FHIT: variants seen among roughly 807,000 people sequenced by gnomAD.
The protein encoded by FHIT is fragile histidine triad diadenosine triphosphatase.
In FHIT, 19 loss-of-function variants were observed where a neutral mutation model predicts 17.9. That is an observed-to-expected ratio of 1.06 (90% CI 0.74 to 1.56). The LOEUF (loss-of-function observed/expected upper bound fraction) is 1.56. FHIT is among the 40% of genes most tolerant of loss of function. The pLI is 0.00. For synonymous variants in FHIT, 81 were observed against 69.7 expected, an observed-to-expected ratio of 1.16 and a Z score of -0.81; for missense variants, 248 against 189.2, an observed-to-expected ratio of 1.31 and a Z score of -1.82.
chr3:60,785,095 GC>G (rs1553726518), intron 4 of FHIT, among the ~76,000 whole-genome samples: 1 of 152,206 alleles, frequency 6.6e-6, no homozygotes. Context: ...CTGAACAGAA[GC>G]CAGAGGTGTA....
At chr3:60,620,516 T>C (rs1553678036) in intron 4 of FHIT, among the ~76,000 whole-genome samples, 3 of 151,544 alleles carry the variant, frequency 2.0e-5, no homozygotes, top group Non-Finnish European at 2.9e-5. Flanking sequence ...TTTACAGGCA[T>C]ACTGCGAAGC....
intron 5 of FHIT, among the ~76,000 whole-genome samples, chr3:60,339,503 C>A (rs1221874875): frequency 1.3e-5 from 2 of 152,176 alleles, no homozygotes; most frequent in East Asian, 3.9e-4. Flanking sequence ...GTTCTGTTGA[C>A]AGTTGGCTCT....
chr3:60,347,695 TTTTTGTTTTG>T (rs1213090822), intron 5 of FHIT, among the ~76,000 whole-genome samples: 2 of 148,474 alleles, frequency 1.3e-5, no homozygotes, highest in South Asian at 2.2e-4. Flanking sequence ...GGGGGTTTGT[TTTTTGTTTTG>T]TTTTGTTTTG....
intron 3 of FHIT, among the ~76,000 whole-genome samples, chr3:61,032,589 C>T (rs1253580576): frequency 1.3e-5 from 2 of 152,100 alleles, no homozygotes; most frequent in African/African-American, 4.8e-5. Flanking sequence ...AGAGGCCAGA[C>T]ATATTAAGAT....
chr3:60,275,014 A>G (rs911357735), intron 5 of FHIT, among the ~76,000 whole-genome samples: 1 of 152,194 alleles, frequency 6.6e-6, no homozygotes, highest in African/African-American at 2.4e-5. Flanking sequence ...CTCAAGGAAG[A>G]GAAACTTTCT....
chr3:60,279,554 T>C (rs900652187), intron 5 of FHIT, among the ~76,000 whole-genome samples: 1 of 152,146 alleles, frequency 6.6e-6, no homozygotes, highest in African/African-American at 2.4e-5. Flanking sequence ...TCCTAAGTCA[T>C]TATGTTATAC....
At chr3:61,066,482 A>G (rs7652525) in intron 2 of FHIT, among the ~76,000 whole-genome samples, 152,243 of 152,254 alleles carry the variant, frequency 1, 76,116 homozygotes, top group Middle Eastern at 1. Context: ...TTGCGTAGTG[A>G]CATACACCTG....
chr3:59,945,716 A>C (rs1201295712), intron 7 of FHIT, among the ~76,000 whole-genome samples: 1 of 152,100 alleles, frequency 6.6e-6, no homozygotes, highest in Non-Finnish European at 1.5e-5. Flanking sequence ...TTTTGCATAC[A>C]TTAAAAGGAA....
chr3:60,532,953 T>C (rs2035840986), intron 5 of FHIT, among the ~76,000 whole-genome samples: 2 of 130,214 alleles, frequency 1.5e-5, no homozygotes, highest in East Asian at 4.6e-4. Context: ...GGCACCTGAA[T>C]GCCATTTTTA....
At chr3:59,986,530 T>A (rs527795986) in intron 7 of FHIT, among the ~76,000 whole-genome samples, 59 of 4,208 alleles carry the variant, frequency 0.014, no homozygotes, top group South Asian at 0.042. Flanking sequence ...TATATATATA[T>A]ATATATATAT....
chr3:61,085,782 T>C (rs1377637611), intron 2 of FHIT, among the ~76,000 whole-genome samples: 1 of 152,184 alleles, frequency 6.6e-6, no homozygotes, highest in East Asian at 1.9e-4. Context: ...TGTAATCCAT[T>C]CCAAGTTAAC....
chr3:60,696,525 C>G lies in FHIT; in HGVS notation c.-18+125394G>C, dbSNP rs142944419. On this transcript the variant is annotated intron_variant, in intron 4 of 9. Coordinates refer to ENST00000492590, the MANE Select transcript of FHIT (RefSeq NM_002012.4). ...TAAATTGCTTTTTATTACTTTTGCT[C>G]TTGTGATGGTTGCTCTTCAAAGCAA... Among the ~76,000 whole-genome samples, 6 of 152,154 alleles carry G rather than the reference C, an allele frequency of 3.9e-5. No individual in the cohort carries two copies. The East Asian group carries it at 1.2e-3, about 29-fold the overall frequency.
At chr3:60,447,373 T>A (rs1018521913) in intron 5 of FHIT, among the ~76,000 whole-genome samples, 2 of 152,250 alleles carry the variant, frequency 1.3e-5, no homozygotes, top group East Asian at 3.9e-4. Context: ...GAGGTTAAAT[T>A]CAAATTTAAA....
At chr3:60,300,269 T>C (rs1708398102) in intron 5 of FHIT, among the ~76,000 whole-genome samples, 2 of 152,220 alleles carry the variant, frequency 1.3e-5, no homozygotes, top group South Asian at 4.1e-4. Flanking sequence ...TCAAAAAAAC[T>C]AAAATCTTTC....
intron 5 of FHIT, among the ~76,000 whole-genome samples, chr3:60,420,275 C>T (rs2107260951): frequency 6.6e-6 from 1 of 152,260 alleles, no homozygotes; most frequent in Non-Finnish European, 1.5e-5. Context: ...GATATACATT[C>T]TAATTCTTAA....
At chr3:61,213,922 A>G (rs1209546453) in intron 1 of FHIT, among the ~76,000 whole-genome samples, 11 of 152,224 alleles carry the variant, frequency 7.2e-5, no homozygotes, top group East Asian at 1.9e-4. Flanking sequence ...TACATAACGA[A>G]ATGAAGGCAG....
chr3:60,756,604 C>T (rs9851572), intron 4 of FHIT, among the ~76,000 whole-genome samples: 2,177 of 151,740 alleles, frequency 0.014, 47 homozygotes, highest in African/African-American at 0.049. Flanking sequence ...AAGAAGCAGC[C>T]GGAGAGGAAA....
chr3:61,067,464 C>T (rs1287172645), intron 2 of FHIT, among the ~76,000 whole-genome samples: 2 of 152,152 alleles, frequency 1.3e-5, no homozygotes, highest in Non-Finnish European at 2.9e-5. Flanking sequence ...TGTATGACAA[C>T]ATGTATAAAG....
chr3:61,242,768 A>G (rs1056526559), intron 1 of FHIT, among the ~76,000 whole-genome samples: 3 of 152,122 alleles, frequency 2.0e-5, no homozygotes, highest in African/African-American at 7.2e-5. Context: ...AATCACAGGG[A>G]GTCAAAGCTG....
Sources: gnomAD v4.1 joint callset for allele counts (sites outside exome capture counted in the v4.1 genomes callset) on GRCh38, gnomAD v4.1.1 for gene constraint, MANE v1.5 for transcripts, NCBI Gene and HGNC (gene_info 2026-07-23, HGNC 2026-07-21) for gene names.